The following CNOT1 variants were observed in gnomAD, a reference collection of about 807,000 sequenced individuals.
CNOT1 encodes the protein CCR4-associated factor 1.
A neutral mutation model predicts 273.8 loss-of-function variants in CNOT1; 15 were observed. The ratio of observed to expected loss-of-function variants is 0.05; its 90% CI spans 0.04 to 0.08. The LOEUF (loss-of-function observed/expected upper bound fraction) is 0.08. Ranked by LOEUF, CNOT1 falls within the 10% of genes least tolerant of loss-of-function variation. The probability of loss-of-function intolerance (pLI) is 1.00; values close to 1 mark genes in which losing one functional copy is unlikely to be tolerated. For missense variants in CNOT1, 1,644 were observed against 2,912.2 expected (o/e 0.56, Z 10.02); for synonymous variants, 1,022 against 1,005.5 (o/e 1.02, Z -0.31).
intron 16 of CNOT1, among the ~76,000 whole-genome samples, chr16:58,572,489 C>T (rs554016760): frequency 1.4e-4 from 22 of 152,140 alleles, no homozygotes; most frequent in African/African-American, 5.1e-4. Flanking sequence ...AAAAAATTAG[C>T]TGGGCATGGT....
At chr16:58,553,588 G>C (rs111451879) in intron 22 of CNOT1, among the ~76,000 whole-genome samples, 194 bp downstream of exon 22, 1 of 152,090 alleles carries the variant, frequency 6.6e-6, no homozygotes, top group African/African-American at 2.4e-5. Context: ...GATAATCCAA[G>C]AATGATTATT....
chr16:58,541,454 TTTAAA>T, intron 34 of CNOT1, 42 bp downstream of exon 34: 1 of 1,589,358 alleles, frequency 6.3e-7, no homozygotes, highest in Non-Finnish European at 8.6e-7. Context: ...GTCAAAAACA[TTTAAA>T]TTAATTGGCA....
chr16:58,525,063 A>AG (rs2039540660), intron 46 of CNOT1, 116 bp downstream of exon 46: 17 of 934,886 alleles, frequency 1.8e-5, no homozygotes, highest in Non-Finnish European at 2.9e-5. Context: ...GTGAATAAAT[A>AG]TACTGACAGA....
intron 2 of CNOT1, among the ~76,000 whole-genome samples, chr16:58,592,680 G>T (rs1487409522): frequency 6.6e-6 from 1 of 152,082 alleles, no homozygotes; most frequent in Non-Finnish European, 1.5e-5. Context: ...GATAAATTCA[G>T]AAATTAAAAT....
At position 58,599,318 on chromosome 16, in the gene CNOT1, G is replaced by A; in HGVS notation, c.20C>T (p.Ser7Leu). 1.2e-6 allele frequency: 2 copies of A among 1,614,206 alleles called. No individual in the cohort carries two copies. ...GTAGCTGATTTGAGACAAGGCCAGC[G>A]AGAGCGAGTCAAGATTCATTGCTGG... MNLDSL[S>L]LALSQISYLV... is the part of the protein sequence containing the mutation. The change falls in exon 2 of 49, where the codon TCG becomes TTG. Residue 7 changes from serine to leucine, a missense_variant. Coordinates refer to ENST00000317147, the MANE Select transcript of CNOT1 (RefSeq NM_016284.5).
At chr16:58,626,406 C>CAAAAA (rs34556623) in intron 1 of CNOT1, among the ~76,000 whole-genome samples, 3 of 60,978 alleles carry the variant, frequency 4.9e-5, no homozygotes, top group East Asian at 1.0e-3. Flanking sequence ...GACTGCGTCT[C>CAAAAA]AAAAAAAAAA....
chr16:58,560,498 T>C, intron 16 of CNOT1, 136 bp from the exon 17 acceptor site: 1 of 1,411,166 alleles, frequency 7.1e-7, no homozygotes, highest in African/African-American at 1.4e-5. Flanking sequence ...AGTAGCACGA[T>C]ATCAATTCAC....
intron 44 of CNOT1, among the ~76,000 whole-genome samples, chr16:58,527,435 G>A (rs1401561495): frequency 6.6e-6 from 1 of 152,046 alleles, no homozygotes; most frequent in African/African-American, 2.4e-5. Flanking sequence ...GCTGAGGCAG[G>A]AGAATCACTG....
intron 1 of CNOT1, among the ~76,000 whole-genome samples, chr16:58,606,529 G>A (rs1053538308): frequency 4.6e-5 from 7 of 152,018 alleles, no homozygotes; most frequent in Non-Finnish European, 1.0e-4. Flanking sequence ...CAGGCCAGGC[G>A]CACCGGCTCA....
intron 16 of CNOT1, among the ~76,000 whole-genome samples, chr16:58,560,746 T>A (rs1368396970): frequency 6.6e-6 from 1 of 152,284 alleles, no homozygotes; most frequent in Admixed American, 6.5e-5. Context: ...AAGTCGAGGC[T>A]GAGCGTAGTG....
chr16:58,581,577 A>G, intron 10 of CNOT1, 62 bp from the exon 11 acceptor site: 7 of 1,470,332 alleles, frequency 4.8e-6, no homozygotes, highest in Non-Finnish European at 6.3e-6. Context: ...TACATTATCC[A>G]AAAGGCCAAA....
At chr16:58,594,810 A>G (rs1443259310) in intron 2 of CNOT1, among the ~76,000 whole-genome samples, 1 of 145,230 alleles carries the variant, frequency 6.9e-6, no homozygotes, top group Non-Finnish European at 1.5e-5. Flanking sequence ...ATTAAAAAAA[A>G]AAAAGAAAAA....
At chr16:58,599,109 AAATCACTTG>A in intron 2 of CNOT1, 118 bp downstream of exon 2, 3 of 1,226,388 alleles carry the variant, frequency 2.4e-6, no homozygotes, top group Middle Eastern at 1.9e-4. Context: ...ATGATGACAG[AAATCACTTG>A]AATTAAGGGG....
chr16:58,618,841 T>G (rs2043193617), intron 1 of CNOT1, among the ~76,000 whole-genome samples: 1 of 152,156 alleles, frequency 6.6e-6, no homozygotes, highest in African/African-American at 2.4e-5. Context: ...TACAGTGCCT[T>G]CAATAACTTG....
chr16:58,548,432 C>A, intron 25 of CNOT1: 1 of 469,660 alleles, frequency 2.1e-6, no homozygotes, highest in Non-Finnish European at 4.2e-6. Flanking sequence ...AACTTTGCTA[C>A]AGAGTATGTG....
Position 58,580,616 on chromosome 16 carries a change from T to C in CNOT1, c.1343+17A>G, listed in dbSNP as rs2041625826. Reference sequence around the variant, plus strand: ...AAGAAGTAATCTTTTAAATGAAAGATGAATCAAAGTGTTTACCATGTGGCA... The same window carrying C: ...AAGAAGTAATCTTTTAAATGAAAGACGAATCAAAGTGTTTACCATGTGGCA... On this transcript the variant is annotated intron_variant, in intron 12 of 48. Coordinates refer to ENST00000317147, the MANE Select transcript of CNOT1 (RefSeq NM_016284.5). 3.1e-6 allele frequency: 5 copies of C among 1,595,888 alleles called. No individual in the cohort carries two copies. Among genetic ancestry groups the C allele is most frequent in the Non-Finnish European group, 4.3e-6 (5 of 1,174,354 alleles).
Position 58,555,545 on chromosome 16 carries a change from A to T in CNOT1, c.2605-8T>A, listed in dbSNP as rs1490854857. On this transcript the variant is annotated splice_region_variant and splice_polypyrimidine_tract_variant and intron_variant, in intron 20 of 48. Transcript: ENST00000317147. ...CTGCAGCATTTCTAATACCTGGAAA[A>T]GCAAGACAAAAACAACGCACACATA... 6.2e-7 allele frequency: 1 copy of T among 1,609,142 alleles called. No individual in the cohort carries two copies.
chr16:58,629,403 A>C (rs1292653283), intron 1 of CNOT1, among the ~76,000 whole-genome samples: 1 of 152,126 alleles, frequency 6.6e-6, no homozygotes, highest in Non-Finnish European at 1.5e-5. Flanking sequence ...AGCGACACGA[A>C]CTGCCGCCGC....
rs2039307992 is a variant in CNOT1, at chr16:58,520,001, A to G, written c.*957T>C. ...CTACAGTATGCATACACATACAAGA[A>G]GTAGGGGAGCTGAAGCCCAGGAAAA... On this transcript the variant is annotated 3_prime_UTR_variant, in exon 49 of 49. Transcript: ENST00000317147. The G allele has an allele frequency of 6.6e-6, 1 of 152,226 alleles. No individual in the cohort carries two copies. Among genetic ancestry groups the G allele is most frequent in the Non-Finnish European group, 1.5e-5 (1 of 68,040 alleles). The allele number at this position is 152,226 out of a possible 1,614,324, so 9.4% of individuals were successfully genotyped here. A position where few individuals can be genotyped will look rare whatever the true frequency, so the allele number is the denominator to read the frequency against.
Sources: gnomAD v4.1 joint callset for allele counts (sites outside exome capture counted in the v4.1 genomes callset) on GRCh38, gnomAD v4.1.1 for gene constraint, MANE v1.5 for transcripts, NCBI Gene and HGNC (gene_info 2026-07-23, HGNC 2026-07-21) for gene names.